ATP10B: variants seen among roughly 807,000 people sequenced by gnomAD.
ATP10B encodes the protein phospholipid-transporting ATPase VB.
Under a neutral mutation model 141.2 loss-of-function variants are expected in ATP10B, and 122 were observed. The observed-to-expected ratio is 0.86, with a 90% CI of 0.75 to 1.00. The LOEUF (loss-of-function observed/expected upper bound fraction) is 1.00, where lower values mean the gene tolerates loss of function less well. Among genes scored for constraint, ATP10B ranks in the 50% least tolerant of loss-of-function variants. The pLI is 0.00. For synonymous variants in ATP10B, 685 were observed against 692.0 expected (o/e 0.99, Z 0.16); for missense variants, 1,876 against 1,825.3 (o/e 1.03, Z -0.51).
At chr5:160,823,698 G>T (rs1322092132) in intron 1 of ATP10B, among the ~76,000 whole-genome samples, 1 of 152,086 alleles carries the variant, frequency 6.6e-6, no homozygotes, top group Non-Finnish European at 1.5e-5. Flanking sequence ...GCCAGGCGTG[G>T]TGGCAGCCGC....
intron 2 of ATP10B, among the ~76,000 whole-genome samples, chr5:160,781,445 C>G (rs960467881): frequency 6.6e-6 from 1 of 151,986 alleles, no homozygotes; most frequent in Non-Finnish European, 1.5e-5. Context: ...TCAGTTAGCT[C>G]TTTTGGTGGG....
At chr5:160,787,105 G>C (rs986146336) in intron 1 of ATP10B, among the ~76,000 whole-genome samples, 3 of 133,566 alleles carry the variant, frequency 2.2e-5, no homozygotes, top group African/African-American at 5.3e-5. Flanking sequence ...TTTTGACACA[G>C]ACACACACAC....
chr5:160,722,015 T>C (rs2127782773), intron 2 of ATP10B, among the ~76,000 whole-genome samples: 1 of 152,192 alleles, frequency 6.6e-6, no homozygotes, highest in East Asian at 1.9e-4. Flanking sequence ...AATAATAATA[T>C]ATACCTCTTG....
At chr5:160,651,092 T>C (rs1760699459) in intron 7 of ATP10B, among the ~76,000 whole-genome samples, 1 of 152,176 alleles carries the variant, frequency 6.6e-6, no homozygotes, top group Non-Finnish European at 1.5e-5. Context: ...AGAACTTTAT[T>C]ATTTATTTTC....
At chr5:160,807,893 G>A (rs7736913) in intron 1 of ATP10B, among the ~76,000 whole-genome samples, 121,017 of 152,126 alleles carry the variant, frequency 0.8, 48,895 homozygotes, top group East Asian at 0.97. Context: ...CCTACATATG[G>A]CTGACTTCTA....
At chr5:160,705,625 G>A (rs1383741349) in intron 3 of ATP10B, among the ~76,000 whole-genome samples, 2 of 152,210 alleles carry the variant, frequency 1.3e-5, no homozygotes, top group Non-Finnish European at 2.9e-5. Flanking sequence ...AAAGTTAGGG[G>A]CTTGCTCTGG....
At chr5:160,741,927 G>A (rs572907513) in intron 2 of ATP10B, among the ~76,000 whole-genome samples, 4 of 152,160 alleles carry the variant, frequency 2.6e-5, no homozygotes, top group Non-Finnish European at 5.9e-5. Flanking sequence ...CCAGACTTTG[G>A]GCTACATGTT....
the ATP10B span, among the ~76,000 whole-genome samples, chr5:160,921,736 A>G: frequency 3.2e-4 from 48 of 152,210 alleles, no homozygotes; most frequent in Non-Finnish European, 6.3e-4. Context: ...CTGTGCCACA[A>G]GATGTGAAAG....
chr5:160,688,277 A>G (rs1348070019), intron 4 of ATP10B, among the ~76,000 whole-genome samples, 183 bp from the exon 5 acceptor site: 3 of 152,216 alleles, frequency 2.0e-5, no homozygotes, highest in Non-Finnish European at 2.9e-5. Context: ...TCCTAAAGAT[A>G]GGATTTCTGA....
chr5:160,914,276 C>T, the ATP10B span, among the ~76,000 whole-genome samples: 19 of 149,324 alleles, frequency 1.3e-4, no homozygotes, highest in African/African-American at 4.4e-4. Context: ...AAACACTACC[C>T]TATTCTAAAG....
chr5:160,569,503 G>A lies in ATP10B; in HGVS notation c.3931C>T (p.Leu1311Phe). 1 of 1,613,796 alleles carries A rather than the reference G, an allele frequency of 6.2e-7. No homozygotes were observed. The highest frequency in any genetic ancestry group is 8.5e-7 in the Non-Finnish European group (1 of 1,179,814). The change falls in exon 25 of 26, where the codon CTC becomes TTC. Residue 1311 changes from leucine (L) to phenylalanine (F), a missense_variant. Coordinates refer to ENST00000327245, the MANE Select transcript of ATP10B (RefSeq NM_025153.3). ...CAGCCCTAGTGCTCAAACCTTGGGA[G>A]AAGAGCAACAACTGGTGTGAGAAAG... ...VCFLTPVVAL[L>F]PRYFFLSLQG...
the ATP10B span, among the ~76,000 whole-genome samples, chr5:160,894,755 A>G: frequency 2.6e-5 from 4 of 152,312 alleles, no homozygotes; most frequent in African/African-American, 7.2e-5. Context: ...TAATCGCCAG[A>G]TTCACCAAGG....
intron 2 of ATP10B, among the ~76,000 whole-genome samples, chr5:160,758,216 C>G (rs781163918): frequency 2.6e-5 from 4 of 151,988 alleles, no homozygotes; most frequent in Non-Finnish European, 5.9e-5. Flanking sequence ...TATTTAAACA[C>G]TGGGTAGATA....
At chr5:160,645,831 T>C (rs1760241178) in intron 8 of ATP10B, among the ~76,000 whole-genome samples, 1 of 152,180 alleles carries the variant, frequency 6.6e-6, no homozygotes, top group Admixed American at 6.5e-5. Context: ...CACTGAAGCC[T>C]CATGACAACC....
At chr5:160,823,887 C>T (rs1466943625) in intron 1 of ATP10B, among the ~76,000 whole-genome samples, 1 of 152,142 alleles carries the variant, frequency 6.6e-6, no homozygotes, top group African/African-American at 2.4e-5. Flanking sequence ...TATACACCTA[C>T]AATGTACCCA....
chr5:160,715,587 C>G (rs889359410), intron 3 of ATP10B, among the ~76,000 whole-genome samples: 21 of 151,908 alleles, frequency 1.4e-4, no homozygotes, highest in African/African-American at 4.6e-4. Context: ...GCGTCGCTCA[C>G]GCTGGGAGCT....
intron 17 of ATP10B, among the ~76,000 whole-genome samples, chr5:160,615,217 T>C (rs903490785): frequency 2.0e-5 from 3 of 152,092 alleles, no homozygotes; most frequent in Non-Finnish European, 4.4e-5. Flanking sequence ...CTGCCTTCCA[T>C]CATTTCTCCC....
At chr5:160,636,419 C>A in intron 10 of ATP10B, 110 bp from the exon 11 acceptor site, 2 of 1,141,278 alleles carry the variant, frequency 1.8e-6, no homozygotes, top group Middle Eastern at 2.1e-4. Flanking sequence ...TTTGGAGGAC[C>A]CCTCCTTCTT....
In ATP10B at chr5:160,628,646, G is replaced by C. The variant is rs1310719586; in HGVS notation, c.1620+3483C>G. Among the ~76,000 whole-genome samples, 3 of 152,296 alleles carry C rather than the reference G, an allele frequency of 2.0e-5. No homozygotes were observed. In the East Asian group the frequency reaches 5.8e-4, roughly 29 times the overall value. On this transcript the variant is annotated intron_variant, in intron 13 of 25. Transcript: ENST00000327245. ...GAAAGCAGTGTGGAAGTTTGGAGGAGCCTAACTGGCCCCAATACAAATTTT... is the reference window on the plus strand; with the variant it reads ...GAAAGCAGTGTGGAAGTTTGGAGGACCCTAACTGGCCCCAATACAAATTTT...
Sources: allele counts gnomAD v4.1 joint callset (sites outside exome capture counted in the v4.1 genomes callset), GRCh38; gene constraint gnomAD v4.1.1; transcripts MANE v1.5; gene names NCBI Gene and HGNC (gene_info 2026-07-23, HGNC 2026-07-21).